ATF6: variants seen among roughly 807,000 people sequenced by gnomAD.
ATF6 encodes activating transcription factor 6.
Under a neutral mutation model 83.6 loss-of-function variants are expected in ATF6, and 53 were observed. That is an observed-to-expected ratio of 0.63 (90% confidence interval 0.51 to 0.80). The LOEUF (loss-of-function observed/expected upper bound fraction) is 0.80, where lower values mean the gene tolerates loss of function less well. ATF6 is among the 30% of genes least tolerant of loss of function. ATF6 has a pLI of 0.00. For missense variants in ATF6, 744 were observed against 797.9 expected, an observed-to-expected ratio of 0.93 and a Z score of 0.81; for synonymous variants, 288 against 285.8, an observed-to-expected ratio of 1.01 and a Z score of -0.08.
At chr1:161,792,001 C>T in intron 5 of ATF6, 123 bp from the exon 6 acceptor site, 1 of 849,208 alleles carries the variant, frequency 1.2e-6, no homozygotes, top group South Asian at 1.5e-5. Context: ...GCTTAAACTC[C>T]AGTTAAAGAT....
At chr1:161,895,635 T>G (rs1408367393) in intron 14 of ATF6, among the ~76,000 whole-genome samples, 1 of 152,210 alleles carries the variant, frequency 6.6e-6, no homozygotes. Flanking sequence ...GGAGGAAATG[T>G]GCCTATATGA....
intron 15 of ATF6, among the ~76,000 whole-genome samples, chr1:161,918,359 G>A (rs1338753888): frequency 6.6e-6 from 1 of 152,046 alleles, no homozygotes; most frequent in Non-Finnish European, 1.5e-5. Flanking sequence ...CTACCACATT[G>A]AGATTTGGAC....
At chr1:161,951,621 T>A (rs1688864541) in intron 15 of ATF6, among the ~76,000 whole-genome samples, 1 of 152,150 alleles carries the variant, frequency 6.6e-6, no homozygotes, top group Non-Finnish European at 1.5e-5. Flanking sequence ...TAAGCCAAAG[T>A]TTAATTACAC....
chr1:161,917,422 ATT>A (rs10715065), intron 15 of ATF6, among the ~76,000 whole-genome samples: 356 of 142,242 alleles, frequency 2.5e-3, no homozygotes, highest in Middle Eastern at 7.4e-3. Context: ...TTTATACACA[ATT>A]TTTTTTTTTT....
chr1:161,934,796 A>G lies in ATF6; in HGVS notation c.1804+22416A>G, dbSNP rs555502923. ...CTGAGAGCATTAAATCCATGTTCCT[A>G]AGGTAACCCATGTTTTCCTAGAAAC... On this transcript the variant is annotated intron_variant, in intron 15 of 15. Coordinates refer to ENST00000367942, the MANE Select transcript of ATF6 (RefSeq NM_007348.4). Among the ~76,000 whole-genome samples the G allele has an allele frequency of 4.6e-5, 7 of 152,270 alleles. No individual in the cohort carries two copies. The East Asian group carries it at 1.4e-3, about 29-fold the overall frequency.
intron 7 of ATF6, among the ~76,000 whole-genome samples, chr1:161,802,975 A>G (rs1250532142): frequency 6.6e-6 from 1 of 152,220 alleles, no homozygotes. Context: ...TGGTCCTAAA[A>G]TTTAATGAAT....
At chr1:161,785,615 A>G (rs577528105) in intron 4 of ATF6, among the ~76,000 whole-genome samples, 7 of 152,298 alleles carry the variant, frequency 4.6e-5, no homozygotes, top group South Asian at 4.1e-4. Context: ...TAACCTGTAC[A>G]TAAGTCTTTT....
intron 1 of ATF6, among the ~76,000 whole-genome samples, chr1:161,775,388 T>TA (rs1205195019): frequency 2.6e-5 from 4 of 152,218 alleles, no homozygotes; most frequent in African/African-American, 4.8e-5. Flanking sequence ...CCAATCTATA[T>TA]CAGTTACCAC....
chr1:161,832,603 A>T (rs1272510272), intron 9 of ATF6, among the ~76,000 whole-genome samples: 1 of 152,220 alleles, frequency 6.6e-6, no homozygotes, highest in Admixed American at 6.5e-5. Context: ...ACACGAGGAG[A>T]TTATATCCAG....
At chr1:161,894,695 C>T (rs1039063677) in intron 14 of ATF6, among the ~76,000 whole-genome samples, 8 of 140,796 alleles carry the variant, frequency 5.7e-5, no homozygotes, top group Non-Finnish European at 1.2e-4. Flanking sequence ...ACCACTAAGC[C>T]GGGCTAATTT....
chr1:161,925,705 T>C (rs1688299098), intron 15 of ATF6, among the ~76,000 whole-genome samples: 1 of 152,204 alleles, frequency 6.6e-6, no homozygotes, highest in African/African-American at 2.4e-5. Context: ...GCTTAATACA[T>C]AGTAGCTGCT....
intron 15 of ATF6, among the ~76,000 whole-genome samples, chr1:161,957,332 G>GC (rs1251079135): frequency 6.6e-6 from 1 of 152,046 alleles, no homozygotes; most frequent in East Asian, 1.9e-4. Flanking sequence ...TTCTTCCCCA[G>GC]CCCCACACCC....
intron 9 of ATF6, among the ~76,000 whole-genome samples, chr1:161,838,412 C>A (rs145595869): frequency 2.1e-4 from 32 of 152,306 alleles, no homozygotes; most frequent in African/African-American, 7.2e-4. Context: ...GTAAAGAAAT[C>A]TGCAAATTGG....
intron 15 of ATF6, among the ~76,000 whole-genome samples, chr1:161,950,515 A>G (rs1277637789): frequency 2.0e-5 from 3 of 152,156 alleles, no homozygotes; most frequent in African/African-American, 4.8e-5. Flanking sequence ...TTTAGTTTTT[A>G]TGGGTCTTGA....
intron 15 of ATF6, among the ~76,000 whole-genome samples, chr1:161,916,714 A>G (rs963396889): frequency 6.6e-6 from 1 of 152,100 alleles, no homozygotes; most frequent in African/African-American, 2.4e-5. Context: ...ACTGTCTTTG[A>G]TGACATTTAC....
intron 9 of ATF6, among the ~76,000 whole-genome samples, chr1:161,843,531 CTTAG>C (rs1346503326): frequency 6.6e-6 from 1 of 152,150 alleles, no homozygotes; most frequent in Non-Finnish European, 1.5e-5. Context: ...TCCTGACTTT[CTTAG>C]TTATTTAGAG....
At chr1:161,922,712 G>A (rs973463362) in intron 15 of ATF6, among the ~76,000 whole-genome samples, 1 of 151,866 alleles carries the variant, frequency 6.6e-6, no homozygotes, top group Non-Finnish European at 1.5e-5. Context: ...CAACAAGAGA[G>A]CAGAGGCCCT....
At chr1:161,892,620 A>C (rs1353412507) in intron 14 of ATF6, among the ~76,000 whole-genome samples, 2 of 146,884 alleles carry the variant, frequency 1.4e-5, no homozygotes, top group Non-Finnish European at 3.0e-5. Context: ...CAGGTTATAC[A>C]GGTCATTCTT....
chr1:161,838,533 G>C (rs1287765161), intron 9 of ATF6, among the ~76,000 whole-genome samples: 1 of 152,182 alleles, frequency 6.6e-6, no homozygotes, highest in Non-Finnish European at 1.5e-5. Flanking sequence ...CAGTAAGTTG[G>C]TGACGGCTTT....
Sources: allele counts gnomAD v4.1 joint callset (sites outside exome capture counted in the v4.1 genomes callset), GRCh38; gene constraint gnomAD v4.1.1; transcripts MANE v1.5; gene names NCBI Gene and HGNC (gene_info 2026-07-23, HGNC 2026-07-21).